The following F8 variants were observed in gnomAD, a reference collection of about 807,000 sequenced individuals.
F8 encodes the protein coagulation factor VIII, also known as antihemophilic factor.
A neutral mutation model predicts 140.6 loss-of-function variants in F8; 12 were observed. The ratio of observed to expected loss-of-function variants is 0.09; its 90% confidence interval spans 0.05 to 0.14. F8 has a LOEUF of 0.14. F8 is among the 10% of genes least tolerant of loss of function. The probability of loss-of-function intolerance (pLI) is 1.00; values close to 1 mark genes in which losing one functional copy is unlikely to be tolerated. For synonymous variants in F8, 585 were observed against 614.6 expected (o/e 0.95, Z 0.71); for missense variants, 1,354 against 1,720.7 (o/e 0.79, Z 3.77).
At chrX:154,905,827 TAA>T (rs1397967327) in intron 15 of F8, among the ~76,000 whole-genome samples, 1 of 111,641 alleles carries the variant, frequency 9.0e-6, no homozygotes, top group Admixed American at 9.6e-5. Context: ...TTTATAAAAT[TAA>T]GAGAAAACAA....
chrX:154,900,973 A>G (rs1050461382), intron 20 of F8, among the ~76,000 whole-genome samples: 3 of 112,946 alleles, frequency 2.7e-5, no homozygotes, highest in African/African-American at 6.4e-5. Context: ...CTCACATGCC[A>G]TACAAAAACA....
At chrX:154,926,434 G>C (rs184961175) in intron 14 of F8, among the ~76,000 whole-genome samples, 15 of 111,911 alleles carry the variant, frequency 1.3e-4, no homozygotes, top group Non-Finnish European at 2.4e-4. Flanking sequence ...GGAGTGCAGT[G>C]AGGCCATCTC....
chrX:154,907,071 C>G (rs1279203437), intron 14 of F8, among the ~76,000 whole-genome samples: 1 of 112,004 alleles, frequency 8.9e-6, no homozygotes, highest in African/African-American at 3.2e-5. Flanking sequence ...CTGGATGTCC[C>G]TTTTCAATCA....
intron 22 of F8, among the ~76,000 whole-genome samples, chrX:154,870,636 C>A (rs1418780065): frequency 8.9e-6 from 1 of 111,766 alleles, no homozygotes; most frequent in Admixed American, 9.5e-5. Flanking sequence ...AAAACTGGCA[C>A]AAGACAGGGA....
At chrX:154,994,647 C>A (rs1407219154) in intron 3 of F8, among the ~76,000 whole-genome samples, 1 of 111,943 alleles carries the variant, frequency 8.9e-6, no homozygotes, top group Non-Finnish European at 1.9e-5. Flanking sequence ...TAAAATATAT[C>A]AAAGATGATG....
intron 13 of F8, among the ~76,000 whole-genome samples, chrX:154,945,998 T>C (rs2073302032): frequency 1.8e-5 from 2 of 111,196 alleles, no homozygotes; most frequent in African/African-American, 6.5e-5. Context: ...ATAGCTATAA[T>C]AAAAATAAAT....
rs1329986069 is a variant in F8, at chrX:154,904,949, C to T, written c.5448G>A (p.Arg1816=). 1 of 1,210,097 alleles carries T rather than the reference C, an allele frequency of 8.3e-7. No individual in the cohort carries two copies. Among genetic ancestry groups the T allele is most frequent in the Admixed American group, 2.2e-5 (1 of 45,888 alleles). The change falls in exon 16 of 26, where the codon AGG becomes AGA. Residue 1816 remains arginine (R), a synonymous_variant. Transcript: ENST00000360256. The part of the protein sequence containing the change: ...SSLISYEEDQ[R]QGAEPRKNFV... The stretch of plus-strand genomic sequence containing the variant: ...AGTTTTTTCTAGGTTCTGCTCCTTG[C>T]CTCTGATCTTCCTCATAAGAAATAA...
At chrX:154,938,169 G>C (rs1371566401) in intron 13 of F8, among the ~76,000 whole-genome samples, 1 of 108,697 alleles carries the variant, frequency 9.2e-6, no homozygotes, top group African/African-American at 3.4e-5. Context: ...TTTTTGTTTT[G>C]TGTGACAATT....
At chrX:154,880,620 T>C (rs2072852928) in intron 22 of F8, among the ~76,000 whole-genome samples, 1 of 112,375 alleles carries the variant, frequency 8.9e-6, no homozygotes, top group Non-Finnish European at 1.9e-5. Flanking sequence ...TTATGAGGGC[T>C]CCCATGTACA....
chrX:155,004,637 C>A (rs781947363), intron 1 of F8, among the ~76,000 whole-genome samples: 2 of 112,401 alleles, frequency 1.8e-5, no homozygotes, highest in Non-Finnish European at 3.8e-5. Context: ...AGCTAAGGCT[C>A]TGATATGTCA....
intron 1 of F8, among the ~76,000 whole-genome samples, chrX:155,011,769 T>A (rs782653665): frequency 2.3e-4 from 26 of 112,705 alleles, no homozygotes; most frequent in African/African-American, 7.7e-4. Context: ...AAGATTTTTT[T>A]AAATTAAAAA....
rs970042263 is a variant in F8, at chrX:154,969,238, C to A, written c.1009+93G>T. The A allele has an allele frequency of 5.9e-6, 5 of 840,748 alleles. 1 individual carries two copies. Among genetic ancestry groups the A allele is most frequent in the Non-Finnish European group, 5.2e-6 (3 of 581,444 alleles). The allele number at this position is 840,748 out of a possible 1,213,427, so 69.3% of individuals were successfully genotyped here. ...AGTAACTCTATAATGTCCCCTTCAG[C>A]AACACACTATATTCCTGTACATTGT... On this transcript the variant is annotated intron_variant, in intron 7 of 25. Transcript: ENST00000360256.
At chrX:154,864,559 C>T (rs1403040835) in intron 22 of F8, among the ~76,000 whole-genome samples, 2 of 112,188 alleles carry the variant, frequency 1.8e-5, no homozygotes, top group African/African-American at 6.5e-5. Context: ...CAAGAGGATA[C>T]AGGAAGACGA....
intron 23 of F8, among the ~76,000 whole-genome samples, chrX:154,862,194 T>A (rs2148567576): frequency 9.1e-6 from 1 of 109,880 alleles, no homozygotes; most frequent in East Asian, 2.9e-4. Context: ...ACCCGGCTAA[T>A]TTTTTGTATT....
chrX:154,933,435 A>G (rs146462904), intron 13 of F8, among the ~76,000 whole-genome samples: 5 of 111,912 alleles, frequency 4.5e-5, no homozygotes, highest in African/African-American at 1.6e-4. Flanking sequence ...CTGTGATCAA[A>G]CCAGGGCTTT....
chrX:154,992,833 C>T (rs1413165597), intron 4 of F8, 103 bp downstream of exon 4: 2 of 798,153 alleles, frequency 2.5e-6, no homozygotes, highest in Admixed American at 4.7e-5. Context: ...GTAAAAAAGC[C>T]TCTTTCAGGT....
At chrX:154,868,261 T>A (rs1276145163) in intron 22 of F8, among the ~76,000 whole-genome samples, 2 of 111,728 alleles carry the variant, frequency 1.8e-5, no homozygotes, top group Non-Finnish European at 3.8e-5. Flanking sequence ...CTCCTGATAG[T>A]GAGTTCTTAT....
rs782008088 is a variant in F8, at chrX:154,931,086, T to G, written c.2704A>C (p.Asn902His). Residue 902 changes from asparagine (N) to histidine (H), a missense_variant, in exon 14 of 26, where the codon AAT becomes CAT. Transcript: ENST00000360256. ...KLDFKVSSTS[N>H]NLISTIPSDN... is the part of the protein sequence containing the mutation. ...GATGGAATTGTTGAAATCAGATTAT[T>G]TGATGTACTAGAAACTTTGAAATCA... 1 of 1,204,807 alleles carries G rather than the reference T, an allele frequency of 8.3e-7. No homozygotes were observed. Among genetic ancestry groups the G allele is most frequent in the South Asian group, 1.8e-5 (1 of 55,352 alleles).
intron 22 of F8, among the ~76,000 whole-genome samples, chrX:154,876,177 T>G (rs1425672653): frequency 2.9e-5 from 3 of 103,306 alleles, no homozygotes; most frequent in Non-Finnish European, 5.9e-5. Flanking sequence ...TGGAGTGCCG[T>G]GGCGCGATCT....
Sources: gnomAD v4.1 joint callset for allele counts (sites outside exome capture counted in the v4.1 genomes callset) on GRCh38, gnomAD v4.1.1 for gene constraint, MANE v1.5 for transcripts, NCBI Gene and HGNC (gene_info 2026-07-23, HGNC 2026-07-21) for gene names.